IZUMO1R: variants seen among roughly 807,000 people sequenced by gnomAD.
IZUMO1R encodes the protein IZUMO1 receptor, JUNO.
Under a neutral mutation model 22.1 loss-of-function variants are expected in IZUMO1R, and 24 were observed. The observed-to-expected ratio is 1.09, with a 90% CI of 0.79 to 1.53. The LOEUF (loss-of-function observed/expected upper bound fraction) is 1.53. Ranked by LOEUF, IZUMO1R falls within the 40% of genes most tolerant of loss-of-function variation. The pLI, the probability that IZUMO1R is intolerant of heterozygous loss-of-function variation, is 0.00. For synonymous variants in IZUMO1R, 133 were observed against 121.2 expected (o/e 1.10, Z -0.64); for missense variants, 308 against 314.9 (o/e 0.98, Z 0.17).
Position 94,307,184 on chromosome 11 carries a change from G to C in IZUMO1R, c.368G>C (p.Gly123Ala). The change falls in exon 4 of 5, where the codon GGA becomes GCA. Residue 123 changes from glycine to alanine, a missense_variant. Gly to Ala is a moderately conservative substitution (Grantham distance 60, BLOSUM62 0). Coordinates refer to ENST00000687084, the MANE Select transcript of IZUMO1R (RefSeq NM_001199206.4). ...LGWEVAPSGQGERVVNVPLCQ... is the reference protein window; with the variant it reads ...LGWEVAPSGQAERVVNVPLCQ... ...ACCCAGGTGGCCCCGAGTGGGCAGGGAGAGCGAGTTGTGAATGTGCCGCTG... is the reference window on the plus strand; with the variant it reads ...ACCCAGGTGGCCCCGAGTGGGCAGGCAGAGCGAGTTGTGAATGTGCCGCTG... 6.3e-7 allele frequency: 1 copy of C among 1,599,760 alleles called. No individual in the cohort carries two copies. The highest frequency in any genetic ancestry group is 1.1e-5 in the South Asian group (1 of 88,348).
chr11:94,305,864 C>G, intron 2 of IZUMO1R, 90 bp downstream of exon 2: 1 of 1,447,234 alleles, frequency 6.9e-7, no homozygotes, highest in South Asian at 1.3e-5. Flanking sequence ...CAACCCTGAT[C>G]ATTTGGTTCC....
chr11:94,307,417 C>A lies in IZUMO1R; in HGVS notation c.485-7C>A, dbSNP rs1213210450. 1 of 1,613,652 alleles carries A rather than the reference C, an allele frequency of 6.2e-7. No homozygotes were observed. Among genetic ancestry groups the A allele is most frequent in the Non-Finnish European group, 8.5e-7 (1 of 1,179,764 alleles). On this transcript the variant is annotated splice_region_variant and splice_polypyrimidine_tract_variant and intron_variant, in intron 4 of 4. Transcript: ENST00000687084. ...GAGGTAAGCTGTCCCTCCTCCATCC[C>A]CTGCAGGGAAGAACCGCTGCCCCAA... is the stretch of plus-strand genomic sequence containing the variant.
chr11:94,307,386 G>C (rs769126139), intron 4 of IZUMO1R, 38 bp from the exon 5 acceptor site: 14 of 1,612,486 alleles, frequency 8.7e-6, no homozygotes, highest in Non-Finnish European at 1.2e-5. Context: ...AGCAATGAGG[G>C]AGTAGGAGGT....
intron 2 of IZUMO1R, 64 bp downstream of exon 2, chr11:94,305,838 G>T (rs774826431): frequency 1.3e-5 from 21 of 1,568,946 alleles, no homozygotes; most frequent in Admixed American, 1.8e-5. Context: ...ATGCCAAGAT[G>T]GTCTCCGAAC....
At position 94,307,287 on chromosome 11, in the gene IZUMO1R, G is replaced by T; in HGVS notation, c.471G>T (p.Trp157Cys). Residue 157 changes from tryptophan to cysteine, a missense_variant, in exon 4 of 5, where the codon TGG becomes TGT. Coordinates refer to ENST00000687084, the MANE Select transcript of IZUMO1R (RefSeq NM_001199206.4). The part of the protein sequence containing the change: ...YTCKSNWRGG[W>C]DWSQGKNRCP... ...GCAAATCCAACTGGCGTGGTGGCTGGGACTGGAGTCAGGGTGAGTGGTGCT... is the reference window on the plus strand; with the variant it reads ...GCAAATCCAACTGGCGTGGTGGCTGTGACTGGAGTCAGGGTGAGTGGTGCT... 6.2e-7 allele frequency: 1 copy of T among 1,612,866 alleles called. No homozygotes were observed. The highest frequency in any genetic ancestry group is 8.5e-7 in the Non-Finnish European group (1 of 1,179,482).
intron 1 of IZUMO1R, among the ~76,000 whole-genome samples, chr11:94,305,177 A>G (rs1007895106): frequency 2.0e-5 from 3 of 152,142 alleles, no homozygotes; most frequent in African/African-American, 4.8e-5. Context: ...CTCCTGGGCT[A>G]TGAAGGTGAG....
rs545106618 is a variant in IZUMO1R, at chr11:94,307,568, G to A, written c.629G>A (p.Trp210Ter). 4 of 1,613,862 alleles carry A rather than the reference G, an allele frequency of 2.5e-6. No homozygotes were observed. The African/African-American group carries it at 4.0e-5, about 16-fold the overall frequency. The change falls in exon 5 of 5, where the codon TGG becomes TAG. Residue 210 changes from tryptophan to a stop codon, truncating the protein, a stop_gained. Coordinates refer to ENST00000687084, the MANE Select transcript of IZUMO1R (RefSeq NM_001199206.4). LOFTEE classifies it low-confidence loss of function (END_TRUNC). ...RRNSGRCLQK[W>*]FEPAQGNPNV... ...AACAGTGGGCGGTGTCTCCAGAAGT[G>A]GTTTGAGCCTGCTCAGGGCAACCCC...
chr11:94,306,194 C>G (rs1311092193), intron 2 of IZUMO1R, among the ~76,000 whole-genome samples: 3 of 152,000 alleles, frequency 2.0e-5, no homozygotes, highest in African/African-American at 7.2e-5. Context: ...CCCAGATTCC[C>G]CTGGGTCTCT....
chr11:94,305,558 A>C, intron 1 of IZUMO1R, 73 bp from the exon 2 acceptor site: 2 of 1,560,262 alleles, frequency 1.3e-6, no homozygotes, highest in Non-Finnish European at 1.7e-6. Context: ...CCCCTTTCCC[A>C]GTGCCTGCTA....
Position 94,307,306 on chromosome 11 carries a change from T to A in IZUMO1R, c.484+6T>A, listed in dbSNP as rs1230892989. ...TGGCTGGGACTGGAGTCAGGGTGAG[T>A]GGTGCTGACAAGGCCTTGGTCGGGA... On this transcript the variant is annotated splice_donor_region_variant and intron_variant, in intron 4 of 4. Transcript: ENST00000687084. 1.9e-6 allele frequency: 3 copies of A among 1,612,512 alleles called. No individual in the cohort carries two copies. The African/African-American group carries it at 4.0e-5, about 22-fold the overall frequency.
In IZUMO1R at chr11:94,306,391, A is replaced by G. The variant is rs574505750; in HGVS notation, c.139-122A>G. On this transcript the variant is annotated intron_variant, in intron 2 of 4. Transcript: ENST00000687084. ...CCTCTTATGTAGGGGCTTACTAGCT[A>G]AAGGCATCCCACTTGCTCAGGCCTC... The G allele has an allele frequency of 2.2e-4, 194 of 874,698 alleles. 2 individuals carry two copies. The African/African-American group carries it at 2.8e-3, about 13-fold the overall frequency. 54.2% of individuals were successfully genotyped at this position (874,698 alleles called of 1,614,324 possible). A position where few individuals can be genotyped will look rare whatever the true frequency, so the allele number is the denominator to read the frequency against.
intron 2 of IZUMO1R, 57 bp downstream of exon 2, chr11:94,305,831 C>A: frequency 1.3e-6 from 2 of 1,582,672 alleles, no homozygotes; most frequent in South Asian, 2.3e-5. Flanking sequence ...GACACAAATG[C>A]CAAGATGGTC....
rs534401421 is a variant in IZUMO1R at position 94,305,595 on chromosome 11, A to C, written c.-6-36A>C. On this transcript the variant is annotated intron_variant, in intron 1 of 4. Transcript: ENST00000687084. The stretch of plus-strand genomic sequence containing the variant: ...GATGAAGGGGGTGGAGTGGGGTGTC[A>C]TTTCCATCAAGTGTGCAGCATGGGT... 8 of 1,607,346 alleles carry C rather than the reference A, an allele frequency of 5.0e-6. No individual in the cohort carries two copies. The African/African-American group carries it at 1.1e-4, about 21-fold the overall frequency.
chr11:94,305,640 G>A lies in IZUMO1R; in HGVS notation c.4G>A (p.Ala2Thr). ...ATGGGTCTCTCTGTAGCAGGCCATG[G>A]CATGCTGGTGGCCGCTCCTGCTAGA... M[A>T]CWWPLLLELW... Residue 2 changes from alanine to threonine, a missense_variant, in exon 2 of 5, where the codon GCA becomes ACA. By Grantham distance (58) the Ala-to-Thr change is moderately conservative. Transcript: ENST00000687084. 2 of 1,612,838 alleles carry A rather than the reference G, an allele frequency of 1.2e-6. No homozygotes were observed. Among genetic ancestry groups the A allele is most frequent in the Non-Finnish European group, 1.7e-6 (2 of 1,179,756 alleles).
Position 94,305,615 on chromosome 11 carries a change from A to T in IZUMO1R, c.-6-16A>T. ...GTGTCATTTCCATCAAGTGTGCAGCATGGGTCTCTCTGTAGCAGGCCATGG... is the reference window on the plus strand; with the variant it reads ...GTGTCATTTCCATCAAGTGTGCAGCTTGGGTCTCTCTGTAGCAGGCCATGG... On this transcript the variant is annotated splice_polypyrimidine_tract_variant and intron_variant, in intron 1 of 4. Transcript: ENST00000687084. 6.2e-7 allele frequency: 1 copy of T among 1,611,830 alleles called. No homozygotes were observed. The highest frequency in any genetic ancestry group is 8.5e-7 in the Non-Finnish European group (1 of 1,179,518).
chr11:94,306,439 C>T (rs1465710657), intron 2 of IZUMO1R, 74 bp from the exon 3 acceptor site: 2 of 1,421,330 alleles, frequency 1.4e-6, no homozygotes, highest in Non-Finnish European at 2.0e-6. Context: ...TTCATTTCAC[C>T]ACCTTTCTTC....
chr11:94,306,550 C>T lies in IZUMO1R; in HGVS notation c.176C>T (p.Thr59Met), dbSNP rs374445245. ...PWKDNACCTLTTSWEAHLDVS... is the reference protein window; with the variant it reads ...PWKDNACCTLMTSWEAHLDVS... ...AAGGACAATGCCTGCTGCACCCTCA[C>T]GACAAGCTGGGAAGCCCATCTGGAT... is the stretch of plus-strand genomic sequence containing the variant. The change falls in exon 3 of 5, where the codon ACG becomes ATG. Residue 59 changes from threonine (T) to methionine (M), a missense_variant. Physicochemically the swap from Thr to Met is moderately conservative, Grantham distance 81. Transcript: ENST00000687084. 55 of 1,613,946 alleles carry T rather than the reference C, an allele frequency of 3.4e-5. No individual in the cohort carries two copies. The highest frequency in any genetic ancestry group is 3.3e-4 in the Middle Eastern group (2 of 6,062).
chr11:94,304,987 T>C (rs1411485289), intron 1 of IZUMO1R, among the ~76,000 whole-genome samples, 108 bp downstream of exon 1: 1 of 152,172 alleles, frequency 6.6e-6, no homozygotes, highest in Non-Finnish European at 1.5e-5. Flanking sequence ...AAACTGGTTG[T>C]CTGGAGAGAG....
intron 1 of IZUMO1R, among the ~76,000 whole-genome samples, chr11:94,305,163 T>C (rs1444316757): frequency 6.6e-6 from 1 of 151,984 alleles, no homozygotes; most frequent in African/African-American, 2.4e-5. Flanking sequence ...GGGGGAGCCA[T>C]GGGCTCCTGG....
Sources: gnomAD v4.1 joint callset for allele counts (sites outside exome capture counted in the v4.1 genomes callset) on GRCh38, gnomAD v4.1.1 for gene constraint, MANE v1.5 for transcripts, NCBI Gene and HGNC (gene_info 2026-07-23, HGNC 2026-07-21) for gene names.